Variants in SPATA6L observed in about 807,000 individuals in gnomAD.
SPATA6L encodes the protein spermatogenesis associated 6-like protein.
A neutral mutation model predicts 49.2 loss-of-function variants in SPATA6L; 68 were observed. That is an observed-to-expected ratio of 1.38 (90% CI 1.14 to 1.69). The LOEUF (loss-of-function observed/expected upper bound fraction) is 1.69, where lower values mean the gene tolerates loss of function less well. Ranked by LOEUF, SPATA6L falls within the 40% of genes most tolerant of loss-of-function variation. SPATA6L has a pLI of 0.00. For missense variants in SPATA6L, 668 were observed against 464.3 expected (o/e 1.44, Z -4.03); for synonymous variants, 198 against 165.7 (o/e 1.19, Z -1.50).
At position 4,598,656 on chromosome 9, in the gene SPATA6L, T is replaced by G. The variant is rs557866276; in HGVS notation, c.*2155A>C. On this transcript the variant is annotated 3_prime_UTR_variant, in exon 12 of 12. Transcript: ENST00000682582. Reference sequence around the variant, plus strand: ...AAACACTGAATATTGAATGTCATGGTGTATATTTTAACAATAACTGAAATG... The same window carrying G: ...AAACACTGAATATTGAATGTCATGGGGTATATTTTAACAATAACTGAAATG... Among the ~76,000 whole-genome samples, 11 of 152,354 alleles carry G rather than the reference T, an allele frequency of 7.2e-5. No individual in the cohort carries two copies. Among genetic ancestry groups the G allele is most frequent in the African/African-American group, 2.6e-4 (11 of 41,578 alleles).
chr9:4,662,995 A>T lies in SPATA6L; in HGVS notation c.40-959T>A, dbSNP rs771753032. ...ATGTTTGTCACTCTCTCGGTGGACA[A>T]GTACTCCTTCCCCTCGGGCCATGCC... On this transcript the variant is annotated intron_variant, in intron 1 of 11. Transcript: ENST00000682582. This position sits in a 1 kb window ranked among gnomAD's most constrained non-coding sequence, Gnocchi z 4.9. The T allele has an allele frequency of 6.8e-6, 11 of 1,607,958 alleles. No individual in the cohort carries two copies. Among genetic ancestry groups the T allele is most frequent in the Non-Finnish European group, 9.3e-6 (11 of 1,177,962 alleles).
intron 9 of SPATA6L, among the ~76,000 whole-genome samples, chr9:4,609,268 A>C (rs914755938): frequency 5.3e-5 from 8 of 151,252 alleles, no homozygotes; most frequent in African/African-American, 9.7e-5. Flanking sequence ...TCAATAGAAA[A>C]AGAGGGAATC....
intron 9 of SPATA6L, among the ~76,000 whole-genome samples, chr9:4,609,859 C>T (rs145027534): frequency 1.2e-3 from 181 of 152,044 alleles, no homozygotes; most frequent in Admixed American, 4.4e-3. Context: ...TCAAATTGTC[C>T]CTGTTTGCAG....
chr9:4,622,349 A>G (rs1304753986), intron 7 of SPATA6L, 59 bp downstream of exon 7: 2 of 991,986 alleles, frequency 2.0e-6, no homozygotes, highest in East Asian at 2.4e-5. Flanking sequence ...GAAAGAGTAT[A>G]CTCAGGACGC....
intron 1 of SPATA6L, 121 bp downstream of exon 1, chr9:4,666,091 C>T: frequency 1.1e-6 from 1 of 905,696 alleles, no homozygotes; most frequent in East Asian, 2.4e-5. Context: ...TGCGATCTGT[C>T]CCAGAAGATA....
intron 3 of SPATA6L, among the ~76,000 whole-genome samples, chr9:4,639,191 G>A (rs1255779948): frequency 3.5e-4 from 53 of 152,094 alleles, no homozygotes; most frequent in Admixed American, 3.1e-3. Flanking sequence ...GCCCAGCAGC[G>A]GCCCCAGAAC....
chr9:4,646,504 A>G, intron 3 of SPATA6L: 1 of 1,516,866 alleles, frequency 6.6e-7, no homozygotes, highest in Non-Finnish European at 8.8e-7. Context: ...AACTAGCTGT[A>G]TTAATTCAAA....
rs142682001 is a variant in SPATA6L at position 4,655,197 on chromosome 9, G to C, written c.226+844C>G. On this transcript the variant is annotated intron_variant, in intron 3 of 11. Transcript: ENST00000682582. ...CAAAATGTGATATATTCATCCAACA[G>C]AATACTATTTGGCCATACAAAAAAT... 1.5e-3 allele frequency among the ~76,000 whole-genome samples: 222 copies of C among 152,278 alleles called. 3 individuals are homozygous for C. The highest frequency in any genetic ancestry group is 5.0e-3 in the African/African-American group (208 of 41,540).
intron 9 of SPATA6L, among the ~76,000 whole-genome samples, chr9:4,613,268 CT>C (rs532254444): frequency 3.2e-4 from 49 of 151,770 alleles, no homozygotes; most frequent in South Asian, 4.2e-4. Flanking sequence ...AAATGATTCT[CT>C]TTAATTAATG....
At chr9:4,598,186 G>A (rs374688228), downstream of SPATA6L, among the ~76,000 whole-genome samples, 1 of 152,060 alleles carries the variant, frequency 6.6e-6, no homozygotes, top group African/African-American at 2.4e-5. Flanking sequence ...CCACAAAGGA[G>A]ATTTTCTTAG....
intron 2 of SPATA6L, among the ~76,000 whole-genome samples, chr9:4,656,988 G>A (rs534708478): frequency 1.3e-5 from 2 of 152,142 alleles, no homozygotes; most frequent in Admixed American, 1.3e-4. Flanking sequence ...AGTCTCAAAA[G>A]TTTTAAGTGT....
chr9:4,638,283 C>T (rs1386799993), intron 3 of SPATA6L, among the ~76,000 whole-genome samples: 1 of 152,124 alleles, frequency 6.6e-6, no homozygotes, highest in Admixed American at 6.5e-5. Flanking sequence ...ACAGTTTTGG[C>T]TCACTGCTAC....
intron 3 of SPATA6L, among the ~76,000 whole-genome samples, chr9:4,643,412 A>G (rs900962087): frequency 6.6e-6 from 1 of 152,192 alleles, no homozygotes; most frequent in African/African-American, 2.4e-5. Context: ...CTTATTGGGG[A>G]TCAGTTTACC....
chr9:4,646,807 C>A (rs1274823647), intron 3 of SPATA6L, among the ~76,000 whole-genome samples: 2 of 152,010 alleles, frequency 1.3e-5, no homozygotes, highest in African/African-American at 4.8e-5. Context: ...CATTATCAAA[C>A]TAATGCAGAA....
At chr9:4,628,765 T>C (rs575701772) in intron 5 of SPATA6L, 59 of 194,632 alleles carry the variant, frequency 3.0e-4, no homozygotes, top group African/African-American at 1.4e-3. Context: ...AGATGGAAAC[T>C]GTTGTTCATA....
intron 5 of SPATA6L, chr9:4,626,763 T>G (rs1830428188): frequency 3.1e-6 from 1 of 319,544 alleles, no homozygotes; most frequent in African/African-American, 2.2e-5. Flanking sequence ...CCAGACAGAT[T>G]ACAGTACTTC....
chr9:4,618,121 A>G lies in SPATA6L; in HGVS notation c.808-11T>C. 2 of 1,589,122 alleles carry G rather than the reference A, an allele frequency of 1.3e-6. No homozygotes were observed. Among genetic ancestry groups the G allele is most frequent in the Non-Finnish European group, 8.6e-7 (1 of 1,164,682 alleles). On this transcript the variant is annotated splice_polypyrimidine_tract_variant and intron_variant, in intron 8 of 11. Coordinates refer to ENST00000682582, the MANE Select transcript of SPATA6L (RefSeq NM_001353486.2). ...TGGCTCTTTGATAACCTGAGTGACA[A>G]TATGCATTATTTAGTTGTAATTTTG...
At chr9:4,613,591 T>G (rs1478737758) in intron 9 of SPATA6L, among the ~76,000 whole-genome samples, 1 of 146,902 alleles carries the variant, frequency 6.8e-6, no homozygotes, top group East Asian at 2.0e-4. Context: ...CTCTAAGAAC[T>G]TTTTTTTTTT....
rs372597744 is a variant in SPATA6L at position 4,590,306 on chromosome 9, G to A, written c.*255-1345C>T. Among the ~76,000 whole-genome samples the A allele has an allele frequency of 1.1e-4, 17 of 152,254 alleles. No individual in the cohort carries two copies. In the South Asian group the frequency reaches 1.7e-3, roughly 15 times the overall value. ...TTATCCATCAAGGATGGAAATGATC[G>A]GGACATTTCTCAATGGCCTGGGCTG... On this transcript the variant is annotated intron_variant and NMD_transcript_variant, in intron 13 of 13. Transcript: ENST00000461761.
Sources: gnomAD v4.1 joint callset for allele counts (sites outside exome capture counted in the v4.1 genomes callset) on GRCh38, gnomAD v4.1.1 for gene constraint, Gnocchi (gnomAD v3.1) non-coding constraint, MANE v1.5 for transcripts, NCBI Gene and HGNC (gene_info 2026-07-23, HGNC 2026-07-21) for gene names.